Variants in ACTR3C observed in about 807,000 individuals in gnomAD.
The protein encoded by ACTR3C is actin-related protein 3C.
In ACTR3C, 18 loss-of-function variants were observed where a neutral mutation model predicts 26.3. The observed-to-expected ratio is 0.68, with a 90% confidence interval of 0.47 to 1.01. ACTR3C has a LOEUF of 1.01. Ranked by LOEUF, ACTR3C falls within the 50% of genes least tolerant of loss-of-function variation. The pLI is 0.00. For synonymous variants in ACTR3C, 55 were observed against 94.5 expected (o/e 0.58, Z 2.42); for missense variants, 184 against 250.7 (o/e 0.73, Z 1.80).
At chr7:150,015,727 T>C in the ACTR3C span, among the ~76,000 whole-genome samples, 1 of 152,318 alleles carries the variant, frequency 6.6e-6, no homozygotes, top group Admixed American at 6.5e-5. Flanking sequence ...AAGGCCCGCC[T>C]TTCCTAGGAG....
chr7:149,985,575 G>A, the ACTR3C span, among the ~76,000 whole-genome samples: 1 of 152,184 alleles, frequency 6.6e-6, no homozygotes, highest in South Asian at 2.1e-4. Context: ...GCCGGGAGTG[G>A]GCACCACCCA....
At chr7:150,038,805 T>G in the ACTR3C span, among the ~76,000 whole-genome samples, 1 of 136,558 alleles carries the variant, frequency 7.3e-6, no homozygotes, top group South Asian at 2.3e-4. Context: ...TCGCGGGGGG[T>G]GCCTCCCCCC....
chr7:150,188,586 A>G, the ACTR3C span, among the ~76,000 whole-genome samples: 8,550 of 143,778 alleles, frequency 0.059, 484 homozygotes, highest in African/African-American at 0.15. Flanking sequence ...ACTGTATGAG[A>G]CTTCCAATTG....
the ACTR3C span, among the ~76,000 whole-genome samples, chr7:149,893,769 G>T: frequency 2.2e-4 from 33 of 152,178 alleles, no homozygotes; most frequent in Non-Finnish European, 3.4e-4. Flanking sequence ...TGTCCTTAAT[G>T]TATTTCTGAT....
At chr7:150,200,586 T>C in the ACTR3C span, among the ~76,000 whole-genome samples, 4 of 152,192 alleles carry the variant, frequency 2.6e-5, no homozygotes, top group African/African-American at 4.8e-5. Flanking sequence ...ATAACCTCAC[T>C]TGAAGCCCCA....
chr7:150,273,118 A>G (rs1452407042), intron 6 of ACTR3C, among the ~76,000 whole-genome samples: 3 of 148,940 alleles, frequency 2.0e-5, no homozygotes, highest in Non-Finnish European at 4.4e-5. Context: ...TACAGAAAAG[A>G]AGCAGATTAT....
At chr7:149,901,850 G>T in the ACTR3C span, among the ~76,000 whole-genome samples, 5 of 143,944 alleles carry the variant, frequency 3.5e-5, no homozygotes, top group Non-Finnish European at 5.9e-5. Flanking sequence ...GGTGAAGGTT[G>T]CAGTGAGCCA....
At chr7:150,034,297 G>T in the ACTR3C span, among the ~76,000 whole-genome samples, 1 of 151,634 alleles carries the variant, frequency 6.6e-6, no homozygotes, top group Non-Finnish European at 1.5e-5. Flanking sequence ...ACCGGCCTCA[G>T]CCAGGGCCCC....
chr7:149,948,967 G>A, the ACTR3C span, among the ~76,000 whole-genome samples: 1 of 150,906 alleles, frequency 6.6e-6, no homozygotes. Flanking sequence ...CACTGCTTTT[G>A]TTTCCTTCAT....
At chr7:150,173,861 G>A in the ACTR3C span, among the ~76,000 whole-genome samples, 268 of 148,252 alleles carry the variant, frequency 1.8e-3, no homozygotes, top group African/African-American at 6.8e-3. Context: ...GGGGCAAAAT[G>A]CCACCAGTCT....
the ACTR3C span, among the ~76,000 whole-genome samples, chr7:149,886,727 G>A: frequency 1.3e-5 from 2 of 152,170 alleles, no homozygotes; most frequent in South Asian, 2.1e-4. Flanking sequence ...AAGCCAAGGC[G>A]GGCGGATCCC....
At chr7:150,165,409 A>T in the ACTR3C span, among the ~76,000 whole-genome samples, 13 of 151,980 alleles carry the variant, frequency 8.6e-5, no homozygotes, top group African/African-American at 3.2e-4. Flanking sequence ...AACCATGGCC[A>T]GTCTGAGAAC....
chr7:149,889,107 A>ATT, the ACTR3C span, among the ~76,000 whole-genome samples: 2 of 152,286 alleles, frequency 1.3e-5, no homozygotes, highest in Non-Finnish European at 2.9e-5. Flanking sequence ...TGTAAAGCAT[A>ATT]TATCTGTCAA....
chr7:149,946,375 C>T, the ACTR3C span, among the ~76,000 whole-genome samples: 482 of 152,340 alleles, frequency 3.2e-3, 5 homozygotes, highest in African/African-American at 0.011. Flanking sequence ...TGCCCTCGGG[C>T]CTTTCTTTCC....
intron 1 of ACTR3C, among the ~76,000 whole-genome samples, chr7:150,312,821 A>G (rs1796442878): frequency 1.3e-5 from 2 of 152,218 alleles, no homozygotes; most frequent in South Asian, 2.1e-4. Context: ...CAGGAATGTC[A>G]GGCCTCTGAG....
intron 1 of ACTR3C, among the ~76,000 whole-genome samples, chr7:150,310,040 C>G (rs904034152): frequency 2.0e-5 from 3 of 152,310 alleles, no homozygotes; most frequent in African/African-American, 7.2e-5. Context: ...TTCCCCCACT[C>G]TGGTGCCAAC....
the ACTR3C span, among the ~76,000 whole-genome samples, chr7:150,159,030 A>G: frequency 1.3e-5 from 1 of 74,088 alleles, no homozygotes. Context: ...ACTCAGGCAC[A>G]CACACTCAGG....
At chr7:149,903,917 T>A in the ACTR3C span, among the ~76,000 whole-genome samples, 1 of 110,096 alleles carries the variant, frequency 9.1e-6, no homozygotes, top group Non-Finnish European at 2.1e-5. Flanking sequence ...GTTGTTGTTG[T>A]TGTTGTTGTT....
the ACTR3C span, among the ~76,000 whole-genome samples, chr7:150,192,347 G>A: frequency 0.023 from 3,432 of 152,058 alleles, 123 homozygotes; most frequent in African/African-American, 0.079. Flanking sequence ...GAGCACTGCT[G>A]GAGTGCAGTG....
Sources: gnomAD v4.1 joint callset for allele counts (sites outside exome capture counted in the v4.1 genomes callset) on GRCh38, gnomAD v4.1.1 for gene constraint, MANE v1.5 for transcripts, NCBI Gene and HGNC (gene_info 2026-07-23, HGNC 2026-07-21) for gene names.